The following SHANK2 variants were observed in gnomAD, a reference collection of about 807,000 sequenced individuals.
SHANK2 encodes the protein SH3 and multiple ankyrin repeat domains 2.
In SHANK2, 43 loss-of-function variants were observed where a neutral mutation model predicts 133.7. The ratio of observed to expected loss-of-function variants is 0.32; its 90% CI spans 0.25 to 0.41. The LOEUF is 0.41. Ranked by LOEUF, SHANK2 falls within the 10% of genes least tolerant of loss-of-function variation. SHANK2 has a pLI of 1.00. For missense variants in SHANK2, 1,994 were observed against 2,235.8 expected, an observed-to-expected ratio of 0.89 and a Z score of 2.18; for synonymous variants, 1,017 against 952.8, an observed-to-expected ratio of 1.07 and a Z score of -1.24.
At chr11:70,590,751 T>G (rs1421515806) in intron 17 of SHANK2, among the ~76,000 whole-genome samples, 2 of 152,036 alleles carry the variant, frequency 1.3e-5, no homozygotes, top group Admixed American at 1.3e-4. Context: ...AACATAACTT[T>G]TCTATGCACT....
In SHANK2 at chr11:70,470,595, C is replaced by T; in HGVS notation, c.*2274G>A. ...GGAAGACAAATTAATGGCCAAACCA[C>T]CATTTTTACATTTTCTAAAATATGG... On this transcript the variant is annotated 3_prime_UTR_variant, in exon 26 of 26. Transcript: ENST00000601538. 1 of 152,616 alleles carries T rather than the reference C, an allele frequency of 6.6e-6. No individual in the cohort carries two copies. Among genetic ancestry groups the T allele is most frequent in the Non-Finnish European group, 1.5e-5 (1 of 68,054 alleles). 9.5% of individuals were successfully genotyped at this position (152,616 alleles called of 1,614,324 possible).
At chr11:71,233,214 C>T (rs1308996493) in intron 1 of SHANK2, among the ~76,000 whole-genome samples, 1 of 151,988 alleles carries the variant, frequency 6.6e-6, no homozygotes, top group Admixed American at 6.6e-5. Context: ...GTGGAGGTAA[C>T]CCCAACATCC....
chr11:70,790,756 AAC>A (rs1947770274), intron 14 of SHANK2, among the ~76,000 whole-genome samples: 1 of 152,152 alleles, frequency 6.6e-6, no homozygotes, highest in Non-Finnish European at 1.5e-5. Flanking sequence ...TCTTGACTCA[AAC>A]AGTCACCAGG....
chr11:71,182,109 C>T (rs1220397408), intron 2 of SHANK2, among the ~76,000 whole-genome samples: 2 of 152,062 alleles, frequency 1.3e-5, no homozygotes, highest in African/African-American at 4.8e-5. Context: ...GAGGCTAGGG[C>T]CTTTTCCTTC....
chr11:70,597,520 A>T (rs1230832173), intron 17 of SHANK2, among the ~76,000 whole-genome samples: 1 of 152,076 alleles, frequency 6.6e-6, no homozygotes, highest in Non-Finnish European at 1.5e-5. Context: ...AGAGGATAAG[A>T]GATTTTTCTT....
At chr11:70,509,506 G>A (rs1166955914) in intron 17 of SHANK2, among the ~76,000 whole-genome samples, 1 of 152,352 alleles carries the variant, frequency 6.6e-6, no homozygotes, top group Non-Finnish European at 1.5e-5. Flanking sequence ...ACGGCCAGCT[G>A]GCATGTAGCT....
intron 12 of SHANK2, among the ~76,000 whole-genome samples, chr11:70,815,401 C>T (rs1893618): frequency 0.033 from 5,030 of 152,158 alleles, 272 homozygotes; most frequent in African/African-American, 0.11. Context: ...GGCTCTGGCT[C>T]ACCTGGGAGG....
chr11:71,223,146 T>C (rs1954584596), intron 2 of SHANK2, among the ~76,000 whole-genome samples: 1 of 152,174 alleles, frequency 6.6e-6, no homozygotes, highest in Non-Finnish European at 1.5e-5. Context: ...CAGACGGGAT[T>C]GGTGAGCTGT....
At chr11:70,710,068 C>T (rs1323310844) in intron 14 of SHANK2, among the ~76,000 whole-genome samples, 3 of 152,114 alleles carry the variant, frequency 2.0e-5, no homozygotes, top group Non-Finnish European at 2.9e-5. Flanking sequence ...GTTTTCTAGG[C>T]GCTCTCCCAG....
chr11:70,822,738 T>C (rs1246030724), intron 11 of SHANK2, among the ~76,000 whole-genome samples: 6 of 81,818 alleles, frequency 7.3e-5, no homozygotes, highest in South Asian at 4.8e-4. Flanking sequence ...CTGGCAGAGG[T>C]CATGGGGGAC....
At chr11:70,814,814 G>A (rs891455206) in intron 12 of SHANK2, among the ~76,000 whole-genome samples, 1 of 152,228 alleles carries the variant, frequency 6.6e-6, no homozygotes, top group Non-Finnish European at 1.5e-5. Context: ...CAACGTTCTT[G>A]AAGGAGAGGG....
intron 11 of SHANK2, among the ~76,000 whole-genome samples, chr11:70,825,799 AAAAT>A (rs1555057087): frequency 6.6e-5 from 10 of 151,950 alleles, no homozygotes; most frequent in Non-Finnish European, 1.5e-4. Flanking sequence ...AAAAGGGTTA[AAAAT>A]AACTGTTTTC....
In SHANK2 at chr11:70,482,759, C is replaced by T. The variant is rs1591483108; in HGVS notation, c.4979+2555G>A. Among the ~76,000 whole-genome samples the T allele has an allele frequency of 3.3e-5, 5 of 152,348 alleles. No individual in the cohort carries two copies. In the South Asian group the frequency reaches 6.2e-4, roughly 19 times the overall value. ...CCGTTCTTGGCACTCACGCGTGGGTCGGCGGTGGTATGCAGCTGCTCTCCT... is the reference window on the plus strand; with the variant it reads ...CCGTTCTTGGCACTCACGCGTGGGTTGGCGGTGGTATGCAGCTGCTCTCCT... On this transcript the variant is annotated intron_variant, in intron 25 of 25. Coordinates refer to ENST00000601538, the MANE Select transcript of SHANK2 (RefSeq NM_012309.5).
At chr11:71,074,465 G>T (rs1951192288) in intron 9 of SHANK2, among the ~76,000 whole-genome samples, 1 of 152,176 alleles carries the variant, frequency 6.6e-6, no homozygotes, top group Non-Finnish European at 1.5e-5. Flanking sequence ...CCTATTGGTT[G>T]TTGGGTTGGG....
chr11:70,886,129 C>T (rs1298723716), intron 11 of SHANK2, among the ~76,000 whole-genome samples: 1 of 152,164 alleles, frequency 6.6e-6, no homozygotes, highest in East Asian at 1.9e-4. Context: ...CGCAGACTTG[C>T]ACAGCTCACT....
intron 2 of SHANK2, among the ~76,000 whole-genome samples, chr11:71,167,243 C>G (rs1555111079): frequency 6.6e-6 from 1 of 152,184 alleles, no homozygotes; most frequent in Admixed American, 6.5e-5. Context: ...CACCTTTCCC[C>G]CCTTTCTATT....
rs540398097 is a variant in SHANK2, at chr11:70,601,916, C to T, written c.2061+57912G>A. On this transcript the variant is annotated intron_variant, in intron 17 of 25. Transcript: ENST00000601538. ...TGCAGCATGGAGCCAGGAGACCTGCCACCCAGGTGGCTGGAACGCAGCTGA... is the reference window on the plus strand; with the variant it reads ...TGCAGCATGGAGCCAGGAGACCTGCTACCCAGGTGGCTGGAACGCAGCTGA... Among the ~76,000 whole-genome samples the T allele has an allele frequency of 8.5e-4, 130 of 152,360 alleles. 1 individual carries two copies. Among genetic ancestry groups the T allele is most frequent in the African/African-American group, 3.1e-3 (128 of 41,578 alleles).
At chr11:71,103,429 C>T (rs1357219540) in intron 6 of SHANK2, among the ~76,000 whole-genome samples, 6 of 152,212 alleles carry the variant, frequency 3.9e-5, no homozygotes, top group Admixed American at 1.3e-4. Flanking sequence ...CCAGGGCAGT[C>T]CCGGGAAAAC....
intron 1 of SHANK2, among the ~76,000 whole-genome samples, chr11:71,239,541 C>G (rs1954863335): frequency 1.3e-5 from 2 of 152,156 alleles, no homozygotes; most frequent in Non-Finnish European, 2.9e-5. Context: ...CTCACAGCAG[C>G]CTCGACCTTT....
Sources: allele counts gnomAD v4.1 joint callset (sites outside exome capture counted in the v4.1 genomes callset), GRCh38; gene constraint gnomAD v4.1.1; transcripts MANE v1.5; gene names NCBI Gene and HGNC (gene_info 2026-07-23, HGNC 2026-07-21).